INTS14: variants seen among roughly 807,000 people sequenced by gnomAD.
INTS14 encodes integrator complex subunit 14, also known as UPF0464 protein C15orf44.
Under a neutral mutation model 56.9 loss-of-function variants are expected in INTS14, and 27 were observed. The ratio of observed to expected loss-of-function variants is 0.47; its 90% CI spans 0.35 to 0.65. The LOEUF is 0.65. INTS14 is among the 30% of genes least tolerant of loss of function. The probability of loss-of-function intolerance (pLI) is 0.00; values close to 1 mark genes in which losing one functional copy is unlikely to be tolerated. For synonymous variants in INTS14, 207 were observed against 236.2 expected, an observed-to-expected ratio of 0.88 and a Z score of 1.13; for missense variants, 517 against 632.2, an observed-to-expected ratio of 0.82 and a Z score of 1.95.
In INTS14 at chr15:65,599,876, A is replaced by G. The variant is rs757500865; in HGVS notation, c.384T>C (p.His128=). The G allele has an allele frequency of 2.6e-5, 42 of 1,614,184 alleles. No homozygotes were observed. The East Asian group carries it at 4.5e-4, about 17-fold the overall frequency. The change falls in exon 4 of 12, where the codon CAT becomes CAC. Residue 128 remains histidine (H), a synonymous_variant. Transcript: ENST00000313182. ...TTCGTTGATTTTGAGTGGCTAGGGA[A>G]TGTCGCAGTGACCCTCTACCAATGC... ...CLGIGRGSLR[H]SLATQNQRSE...
intron 1 of INTS14, 149 bp from the exon 2 acceptor site, chr15:65,607,591 G>T: frequency 1.1e-6 from 1 of 880,642 alleles, no homozygotes; most frequent in Non-Finnish European, 1.7e-6. Context: ...TGAGAGGGAA[G>T]TGAGCAGCTT....
intron 5 of INTS14, 51 bp from the exon 6 acceptor site, chr15:65,598,514 A>C: frequency 9.6e-6 from 15 of 1,559,570 alleles, no homozygotes; most frequent in Non-Finnish European, 1.3e-5. Flanking sequence ...ATACATATGA[A>C]GTTAATTTTT....
intron 10 of INTS14, among the ~76,000 whole-genome samples, chr15:65,583,910 T>C (rs1419066691): frequency 6.6e-6 from 1 of 152,082 alleles, no homozygotes; most frequent in African/African-American, 2.4e-5. Context: ...TGTGGTTCAG[T>C]CTCCATGGAA....
At chr15:65,604,500 T>C (rs546372814) in intron 3 of INTS14, among the ~76,000 whole-genome samples, 1 of 152,168 alleles carries the variant, frequency 6.6e-6, no homozygotes, top group South Asian at 2.1e-4. Flanking sequence ...GGAGACGAGG[T>C]GGGCGGATCG....
chr15:65,603,563 G>A (rs2141317108), intron 3 of INTS14, among the ~76,000 whole-genome samples: 1 of 151,802 alleles, frequency 6.6e-6, no homozygotes, highest in Non-Finnish European at 1.5e-5. Context: ...CTCCCACCTT[G>A]GCCTCACAAA....
chr15:65,585,198 CAT>C (rs1378133091), intron 9 of INTS14, among the ~76,000 whole-genome samples: 1 of 151,906 alleles, frequency 6.6e-6, no homozygotes, highest in East Asian at 1.9e-4. Flanking sequence ...TATACATACA[CAT>C]AGACACACAT....
At position 65,607,224 on chromosome 15, in the gene INTS14, G is replaced by A. The variant is rs749373557; in HGVS notation, c.157C>T (p.Leu53Phe). ...ATNYKLEFTA[L>F]VVFSSLWELM... ...TCCCAAAGTGATGAAAAAACCACAA[G>A]TGCTGTAAATTCAAGCTTGTAATTT... The change falls in exon 2 of 12, where the codon CTT becomes TTT. Residue 53 changes from leucine (L) to phenylalanine (F), a missense_variant. Transcript: ENST00000313182. The A allele has an allele frequency of 3.3e-5, 53 of 1,614,076 alleles. No individual in the cohort carries two copies. The East Asian group carries it at 6.5e-4, about 20-fold the overall frequency.
intron 10 of INTS14, among the ~76,000 whole-genome samples, chr15:65,583,156 C>T (rs1367550957): frequency 6.6e-6 from 1 of 152,146 alleles, no homozygotes. Context: ...AAGAGAATTG[C>T]TGTCTGACCC....
At chr15:65,587,516 A>C (rs972378996) in intron 9 of INTS14, among the ~76,000 whole-genome samples, 4 of 152,238 alleles carry the variant, frequency 2.6e-5, no homozygotes, top group African/African-American at 9.6e-5. Context: ...TGTAAATAAC[A>C]TTTACATCAT....
intron 6 of INTS14, among the ~76,000 whole-genome samples, chr15:65,598,088 T>G (rs556114646): frequency 2.0e-5 from 3 of 152,286 alleles, no homozygotes; most frequent in South Asian, 4.1e-4. Flanking sequence ...CACTTTGGAT[T>G]TTCAGATTAA....
chr15:65,582,398 C>T (rs947893556), intron 10 of INTS14, among the ~76,000 whole-genome samples: 1 of 152,068 alleles, frequency 6.6e-6, no homozygotes, highest in Non-Finnish European at 1.5e-5. Flanking sequence ...TTACATCATA[C>T]CATATACAAA....
In INTS14 at chr15:65,579,198, A is replaced by G. The variant is rs1567345064; in HGVS notation, c.*210T>C. On this transcript the variant is annotated 3_prime_UTR_variant, in exon 12 of 12. Coordinates refer to ENST00000313182, the MANE Select transcript of INTS14 (RefSeq NM_001394796.1). ...CAGCTATCTTCCAAGCTTAAAAATT[A>G]TGAATCCCAGGAAGTTAAAGCCCAA... The G allele has an allele frequency of 5.1e-6, 3 of 587,472 alleles. No individual in the cohort carries two copies. The highest frequency in any genetic ancestry group is 2.9e-6 in the Non-Finnish European group (1 of 350,366). 36.4% of individuals were successfully genotyped at this position (587,472 alleles called of 1,614,324 possible).
chr15:65,599,029 C>A (rs2073328330), intron 4 of INTS14, 39 bp from the exon 5 acceptor site: 2 of 1,462,190 alleles, frequency 1.4e-6, no homozygotes, highest in South Asian at 1.2e-5. Flanking sequence ...GTGGCTGGCA[C>A]AAAATGCCAG....
At position 65,599,786 on chromosome 15, in the gene INTS14, C is replaced by T. The variant is rs774502198; in HGVS notation, c.474G>A (p.Ala158=). ...CAAAAGGTATTACCTCCTCCAAATTCGCCATGCACATGATATATAACTTAG... is the reference window on the plus strand; with the variant it reads ...CAAAAGGTATTACCTCCTCCAAATTTGCCATGCACATGATATATAACTTAG... ...FPSKLYIMCM[A]NLEELQSTDS... The change falls in exon 4 of 12, where the codon GCG becomes GCA. Residue 158 remains alanine (A), a synonymous_variant. Coordinates refer to ENST00000313182, the MANE Select transcript of INTS14 (RefSeq NM_001394796.1). 1.1e-4 allele frequency: 170 copies of T among 1,613,162 alleles called. 1 individual carries two copies. In the South Asian group the frequency reaches 1.4e-3, roughly 13 times the overall value.
chr15:65,610,563 GT>G (rs2141349571), intron 1 of INTS14: 1 of 1,008,506 alleles, frequency 9.9e-7, no homozygotes, highest in East Asian at 3.8e-5. Flanking sequence ...TGAATACCAA[GT>G]GTCCATCAGC....
At position 65,605,773 on chromosome 15, in the gene INTS14, C is replaced by A. The variant is rs527376327; in HGVS notation, c.223-537G>T. Among the ~76,000 whole-genome samples the A allele has an allele frequency of 1.0e-3, 159 of 152,276 alleles. 3 individuals are homozygous for A. The South Asian group carries it at 0.033, about 31-fold the overall frequency. On this transcript the variant is annotated intron_variant, in intron 2 of 11. Coordinates refer to ENST00000313182, the MANE Select transcript of INTS14 (RefSeq NM_001394796.1). ...TCAGGGCTCCTGGTCTAAAACATTA[C>A]GTCTCACTCCTTATATAGCAATTCT...
intron 4 of INTS14, 155 bp downstream of exon 4, chr15:65,599,619 C>T (rs2073351417): frequency 1.2e-6 from 1 of 826,404 alleles, no homozygotes; most frequent in Non-Finnish European, 1.8e-6. Context: ...ACATTTGAGA[C>T]CCAGAATCTT....
intron 8 of INTS14, among the ~76,000 whole-genome samples, chr15:65,592,703 T>A (rs549081672): frequency 4.2e-4 from 64 of 152,180 alleles, no homozygotes; most frequent in Non-Finnish European, 6.8e-4. Flanking sequence ...CCTAGAGGAG[T>A]GCCTGGCACA....
intron 1 of INTS14, 22 bp downstream of exon 1, chr15:65,611,076 G>C: frequency 1.3e-6 from 2 of 1,535,642 alleles, no homozygotes; most frequent in Non-Finnish European, 1.7e-6. Context: ...GGCAGTCCCG[G>C]GCCCTCGGCC....
Sources: gnomAD v4.1 joint callset for allele counts (sites outside exome capture counted in the v4.1 genomes callset) on GRCh38, gnomAD v4.1.1 for gene constraint, MANE v1.5 for transcripts, NCBI Gene and HGNC (gene_info 2026-07-23, HGNC 2026-07-21) for gene names.